The following HAAO variants were observed in gnomAD, a reference collection of about 807,000 sequenced individuals.
The protein encoded by HAAO is 3-hydroxyanthranilate oxygenase.
HAAO carries 49 observed loss-of-function variants against 46.2 expected under a neutral mutation model. The observed-to-expected ratio is 1.06, with a 90% CI of 0.84 to 1.34. The LOEUF (loss-of-function observed/expected upper bound fraction) is 1.34. Among genes scored for constraint, HAAO ranks in the 40% most tolerant of loss-of-function variants. HAAO has a pLI of 0.00. For missense variants in HAAO, 408 were observed against 364.5 expected (o/e 1.12, Z -0.97); for synonymous variants, 157 against 145.2 (o/e 1.08, Z -0.58).
At chr2:42,785,194 T>A (rs1459819548) in intron 2 of HAAO, among the ~76,000 whole-genome samples, 1 of 152,188 alleles carries the variant, frequency 6.6e-6, no homozygotes, top group Non-Finnish European at 1.5e-5. Context: ...TACACATATG[T>A]GCTCAGCGCA....
intron 2 of HAAO, among the ~76,000 whole-genome samples, chr2:42,787,725 C>G (rs774618915): frequency 1.3e-5 from 2 of 152,176 alleles, no homozygotes; most frequent in African/African-American, 2.4e-5. Flanking sequence ...AAGCTGGACT[C>G]TGGATCCTGA....
chr2:42,774,692 G>A (rs1671405266), intron 4 of HAAO, among the ~76,000 whole-genome samples: 1 of 152,128 alleles, frequency 6.6e-6, no homozygotes, highest in African/African-American at 2.4e-5. Flanking sequence ...GTTTGTTTTG[G>A]CTAAAGTTAA....
chr2:42,774,958 C>G lies in HAAO; in HGVS notation c.351-4376G>C, dbSNP rs547437113. On this transcript the variant is annotated intron_variant, in intron 4 of 9. Transcript: ENST00000294973. ...GTCCCTCCCCACCAACACACACACA[C>G]ACGAAAAGGGCCGGGCACAGTGGCT... Among the ~76,000 whole-genome samples, 87 of 151,852 alleles carry G rather than the reference C, an allele frequency of 5.7e-4. 1 individual carries two copies. The highest frequency in any genetic ancestry group is 1.9e-3 in the African/African-American group (80 of 41,396).
intron 4 of HAAO, among the ~76,000 whole-genome samples, chr2:42,772,324 T>A (rs186195089): frequency 4.6e-5 from 7 of 152,054 alleles, no homozygotes; most frequent in African/African-American, 1.7e-4. Context: ...CTACTAAAAA[T>A]ACAAAAATTA....
intron 1 of HAAO, among the ~76,000 whole-genome samples, chr2:42,791,756 C>T (rs1672815106): frequency 1.3e-5 from 2 of 152,138 alleles, no homozygotes; most frequent in African/African-American, 4.8e-5. Context: ...CTTGATCTAG[C>T]TGGCATGTGG....
chr2:42,782,860 A>G (rs746042315), intron 4 of HAAO: 4 of 461,676 alleles, frequency 8.7e-6, no homozygotes, highest in African/African-American at 4.0e-5. Context: ...TATCTTACAT[A>G]TATTGATCGG....
At chr2:42,776,759 A>C (rs956351092) in intron 4 of HAAO, among the ~76,000 whole-genome samples, 12 of 151,164 alleles carry the variant, frequency 7.9e-5, no homozygotes, top group Admixed American at 3.3e-4. Context: ...AGCCTCCTGA[A>C]TAGCTGGGAT....
intron 4 of HAAO, among the ~76,000 whole-genome samples, chr2:42,774,857 C>T (rs1241559595): frequency 1.3e-5 from 2 of 152,116 alleles, no homozygotes; most frequent in Non-Finnish European, 2.9e-5. Context: ...GTTTGATCAG[C>T]TCTACCTGAC....
chr2:42,785,843 C>G (rs762313655), intron 2 of HAAO, among the ~76,000 whole-genome samples: 22 of 152,114 alleles, frequency 1.4e-4, no homozygotes, highest in Non-Finnish European at 2.5e-4. Flanking sequence ...GCCTGGGTGA[C>G]AGAGTGAGAC....
At chr2:42,782,901 C>T (rs906815657) in intron 4 of HAAO, 6 of 460,888 alleles carry the variant, frequency 1.3e-5, no homozygotes, top group African/African-American at 4.0e-5. Flanking sequence ...TGTATAAAGC[C>T]GAGCTGTGCT....
intron 7 of HAAO, among the ~76,000 whole-genome samples, 172 bp from the exon 8 acceptor site, chr2:42,768,100 C>G (rs939475915): frequency 6.6e-6 from 1 of 152,212 alleles, no homozygotes; most frequent in African/African-American, 2.4e-5. Context: ...GCTGCCTGGG[C>G]TGCAGGCCTC....
chr2:42,791,742 AAAC>A (rs1173422335), intron 1 of HAAO, among the ~76,000 whole-genome samples: 2 of 152,150 alleles, frequency 1.3e-5, no homozygotes, highest in African/African-American at 4.8e-5. Context: ...TGGGGAATGT[AAAC>A]CTTGATCTAG....
chr2:42,773,984 A>G (rs1174322835), intron 4 of HAAO, among the ~76,000 whole-genome samples: 1 of 152,192 alleles, frequency 6.6e-6, no homozygotes, highest in Non-Finnish European at 1.5e-5. Flanking sequence ...GAAACTCAAA[A>G]GAATGCAACC....
At chr2:42,770,270 G>T in intron 5 of HAAO, 84 bp from the exon 6 acceptor site, 2 of 1,190,484 alleles carry the variant, frequency 1.7e-6, no homozygotes, top group Non-Finnish European at 2.4e-6. Context: ...CACACTCACG[G>T]TCAGGTGCAG....
At chr2:42,791,008 C>T (rs958121588) in intron 1 of HAAO, among the ~76,000 whole-genome samples, 2 of 152,190 alleles carry the variant, frequency 1.3e-5, no homozygotes, top group African/African-American at 4.8e-5. Flanking sequence ...GCTTCAGCAG[C>T]TTCTCACCTT....
At chr2:42,780,212 T>C (rs1056570774) in intron 4 of HAAO, among the ~76,000 whole-genome samples, 2 of 57,312 alleles carry the variant, frequency 3.5e-5, no homozygotes, top group East Asian at 4.5e-4. Flanking sequence ...TTTTTTTTAA[T>C]TTTTTTTTTT....
chr2:42,781,084 A>G (rs1671961313), intron 4 of HAAO, among the ~76,000 whole-genome samples: 2 of 152,108 alleles, frequency 1.3e-5, no homozygotes, highest in African/African-American at 2.4e-5. Context: ...CTCAAAAAAA[A>G]ACACAACAAT....
intron 1 of HAAO, among the ~76,000 whole-genome samples, chr2:42,790,338 C>A (rs1390315268): frequency 2.0e-5 from 3 of 151,830 alleles, no homozygotes; most frequent in Non-Finnish European, 4.4e-5. Context: ...CTGCATAGAG[C>A]TTCAAGGAGG....
At chr2:42,785,914 T>A (rs1672349256) in intron 2 of HAAO, among the ~76,000 whole-genome samples, 1 of 152,050 alleles carries the variant, frequency 6.6e-6, no homozygotes, top group African/African-American at 2.4e-5. Context: ...CCATAAGCAT[T>A]ATTTAATACA....
Sources: allele counts gnomAD v4.1 joint callset (sites outside exome capture counted in the v4.1 genomes callset), GRCh38; gene constraint gnomAD v4.1.1; transcripts MANE v1.5; gene names NCBI Gene and HGNC (gene_info 2026-07-23, HGNC 2026-07-21).